Variants in FMN1 observed in about 807,000 individuals in gnomAD.
FMN1 encodes the protein formin 1, also known as formin-1.
In FMN1, 110 loss-of-function variants were observed where a neutral mutation model predicts 132.4. That is an observed-to-expected ratio of 0.83 (90% CI 0.71 to 0.97). The LOEUF is 0.97. Among genes scored for constraint, FMN1 ranks in the 50% least tolerant of loss-of-function variants. The pLI is 0.00. For synonymous variants in FMN1, 722 were observed against 651.7 expected (o/e 1.11, Z -1.64); for missense variants, 1,792 against 1,705.3 (o/e 1.05, Z -0.90).
intron 4 of FMN1, among the ~76,000 whole-genome samples, chr15:33,091,771 C>A (rs571342405): frequency 6.6e-6 from 1 of 151,694 alleles, no homozygotes; most frequent in East Asian, 1.9e-4. Context: ...TGGGTAATAC[C>A]CAAGCTAGTC....
chr15:32,911,970 C>T (rs1567378077), intron 10 of FMN1, among the ~76,000 whole-genome samples: 1 of 152,238 alleles, frequency 6.6e-6, no homozygotes, highest in Admixed American at 6.5e-5. Context: ...ATGTCTAGTG[C>T]GTTGAAAACC....
Position 33,146,028 on chromosome 15 carries a change from T to C in FMN1, c.1867+7020A>G, listed in dbSNP as rs149043749. Among the ~76,000 whole-genome samples the C allele has an allele frequency of 1.5e-3, 231 of 150,978 alleles. 1 individual carries two copies. The highest frequency in any genetic ancestry group is 5.5e-3 in the African/African-American group (224 of 40,936). On this transcript the variant is annotated intron_variant, in intron 4 of 20. Coordinates refer to ENST00000616417, the MANE Select transcript of FMN1 (RefSeq NM_001277313.2). ...TCTCTCTTTGTCACCCAGGCTGGAG[T>C]TCAGTGGTGCAATCTCGGCTCACTG...
At chr15:32,993,593 G>C (rs2033575857) in intron 7 of FMN1, among the ~76,000 whole-genome samples, 1 of 152,156 alleles carries the variant, frequency 6.6e-6, no homozygotes, top group Admixed American at 6.5e-5. Context: ...GTAGTGTGTT[G>C]TCAGCACCTT....
At chr15:33,033,156 G>T (rs1003761374) in intron 6 of FMN1, among the ~76,000 whole-genome samples, 2 of 151,772 alleles carry the variant, frequency 1.3e-5, no homozygotes, top group African/African-American at 4.8e-5. Flanking sequence ...TCAGCCTCCC[G>T]AGTAGCTGGG....
chr15:33,048,672 G>A (rs1036385714), intron 6 of FMN1, among the ~76,000 whole-genome samples: 1 of 50,326 alleles, frequency 2.0e-5, no homozygotes, highest in Middle Eastern at 0.013. Flanking sequence ...TGGACTTACA[G>A]TTCCACATGG....
chr15:33,015,730 T>C (rs2035007621), intron 6 of FMN1, among the ~76,000 whole-genome samples: 1 of 152,142 alleles, frequency 6.6e-6, no homozygotes. Context: ...TTCCTCTGAA[T>C]TATACTTGGA....
At chr15:33,067,511 G>C in intron 5 of FMN1, 1 of 1,613,970 alleles carries the variant, frequency 6.2e-7, no homozygotes, top group South Asian at 1.1e-5. Flanking sequence ...TTTCAAAGTA[G>C]ACAGTGGAAG....
Position 33,153,222 on chromosome 15 carries a change from A to G in FMN1, c.1693T>C (p.Cys565Arg), listed in dbSNP as rs1964520084. ...GGCTCCAAGGTGTCAGCAGAGACGC[A>G]CCCAGAGAAGACACGGCTCTTTCTA... is the stretch of plus-strand genomic sequence containing the variant. Reference protein sequence around the residue: ...PCRKSRVFSGCVSADTLEPPS... With the variant: ...PCRKSRVFSGRVSADTLEPPS... The change falls in exon 4 of 21, where the codon TGC becomes CGC. Residue 565 changes from cysteine to arginine, a missense_variant. Cys to Arg is a radical substitution (Grantham distance 180). Transcript: ENST00000616417. 6.5e-7 allele frequency: 1 copy of G among 1,535,902 alleles called. No homozygotes were observed. Among genetic ancestry groups the G allele is most frequent in the African/African-American group, 1.4e-5 (1 of 72,998 alleles).
At chr15:32,930,417 T>G (rs867057839) in intron 9 of FMN1, among the ~76,000 whole-genome samples, 89 of 152,254 alleles carry the variant, frequency 5.8e-4, no homozygotes, top group African/African-American at 2.1e-3. Context: ...TTCAGTTTTT[T>G]TTTTTTTGAC....
intron 5 of FMN1, among the ~76,000 whole-genome samples, chr15:33,066,081 A>T (rs751267256): frequency 7.2e-5 from 11 of 152,284 alleles, no homozygotes; most frequent in Admixed American, 2.0e-4. Flanking sequence ...CTCTAATCAC[A>T]CCACAAACAC....
In FMN1 at chr15:33,108,437, T is replaced by A. The variant is rs140186934; in HGVS notation, c.1868-19463A>T. Among the ~76,000 whole-genome samples, 12 of 152,118 alleles carry A rather than the reference T, an allele frequency of 7.9e-5. 1 individual carries two copies. The highest frequency in any genetic ancestry group is 2.9e-4 in the African/African-American group (12 of 41,526). The stretch of plus-strand genomic sequence containing the variant: ...AGAAGAGAAAATACATTCAAAATAG[T>A]ATTATTTTACTCTCCTTGCCCTCCA... On this transcript the variant is annotated intron_variant, in intron 4 of 20. Coordinates refer to ENST00000616417, the MANE Select transcript of FMN1 (RefSeq NM_001277313.2).
At position 33,154,721 on chromosome 15, in the gene FMN1, T is replaced by A; in HGVS notation, c.194A>T (p.Glu65Val). Residue 65 changes from glutamate to valine, a missense_variant, in exon 4 of 21, where the codon GAG becomes GTG. By Grantham distance (121) the Glu-to-Val change is moderately radical. Coordinates refer to ENST00000616417, the MANE Select transcript of FMN1 (RefSeq NM_001277313.2). ...TATGTCGCCTGGATGTTCGTCCGGC[T>A]CCTGGCTGAGGCTGATGATGTCTGA... The part of the protein sequence containing the change: ...EESDIISLSQ[E>V]PDEHPGDIFF... 1 of 1,536,150 alleles carries A rather than the reference T, an allele frequency of 6.5e-7. No individual in the cohort carries two copies. Among genetic ancestry groups the A allele is most frequent in the Non-Finnish European group, 8.7e-7 (1 of 1,146,922 alleles).
chr15:33,070,386 CTTTTTTTT>C (rs34096484), intron 5 of FMN1, among the ~76,000 whole-genome samples: 2 of 134,374 alleles, frequency 1.5e-5, no homozygotes, highest in African/African-American at 5.6e-5. Context: ...CGTATTTGGT[CTTTTTTTT>C]TTTTTTTTTT....
intron 15 of FMN1, among the ~76,000 whole-genome samples, chr15:32,894,048 C>G (rs1011923904): frequency 1.3e-5 from 2 of 152,230 alleles, no homozygotes; most frequent in Non-Finnish European, 2.9e-5. Context: ...TGAAGCTAAA[C>G]ATGCCTTCCT....
chr15:32,982,819 AG>A (rs766819751), intron 7 of FMN1, among the ~76,000 whole-genome samples: 1 of 152,082 alleles, frequency 6.6e-6, no homozygotes, highest in Non-Finnish European at 1.5e-5. Flanking sequence ...GGTTTTGCAC[AG>A]GAACTACACC....
intron 4 of FMN1, among the ~76,000 whole-genome samples, chr15:33,115,118 G>C (rs2039866026): frequency 6.6e-6 from 1 of 152,176 alleles, no homozygotes; most frequent in Non-Finnish European, 1.5e-5. Flanking sequence ...AGATAACTAA[G>C]ACAAGGCCCT....
intron 6 of FMN1, chr15:33,012,772 GAA>G: frequency 1.4e-6 from 1 of 716,358 alleles, no homozygotes; most frequent in South Asian, 1.4e-5. Context: ...TGGTTATGGA[GAA>G]AACTTCAGTG....
chr15:33,095,043 G>A (rs575965826), intron 4 of FMN1, among the ~76,000 whole-genome samples: 1 of 152,178 alleles, frequency 6.6e-6, no homozygotes, highest in Admixed American at 6.5e-5. Context: ...AAAAATTTTA[G>A]TATGTTTGGT....
chr15:33,125,877 A>G (rs1566938495), intron 4 of FMN1, among the ~76,000 whole-genome samples: 2 of 152,220 alleles, frequency 1.3e-5, no homozygotes, highest in Non-Finnish European at 2.9e-5. Flanking sequence ...CTTCTCAAGC[A>G]TGACTGATTG....
Sources: allele counts gnomAD v4.1 joint callset (sites outside exome capture counted in the v4.1 genomes callset), GRCh38; gene constraint gnomAD v4.1.1; transcripts MANE v1.5; gene names NCBI Gene and HGNC (gene_info 2026-07-23, HGNC 2026-07-21).